Variants in KCNIP4 observed in about 807,000 individuals in gnomAD.
The protein encoded by KCNIP4 is Kv channel-interacting protein 4.
KCNIP4 carries 12 observed loss-of-function variants against 34.0 expected under a neutral mutation model. The ratio of observed to expected loss-of-function variants is 0.35; its 90% CI spans 0.23 to 0.57. KCNIP4 has a LOEUF of 0.57. Ranked by LOEUF, KCNIP4 falls within the 20% of genes least tolerant of loss-of-function variation. The probability of loss-of-function intolerance (pLI) is 0.83; values close to 1 mark genes in which losing one functional copy is unlikely to be tolerated. For synonymous variants in KCNIP4, 124 were observed against 102.2 expected (o/e 1.21, Z -1.29); for missense variants, 238 against 311.7 (o/e 0.76, Z 1.78).
intron 1 of KCNIP4, among the ~76,000 whole-genome samples, chr4:21,029,799 G>T (rs1740850099): frequency 6.6e-6 from 1 of 152,168 alleles, no homozygotes; most frequent in Non-Finnish European, 1.5e-5. Context: ...ACCAACTTGA[G>T]AGCCTTTAAC....
Position 20,798,848 on chromosome 4 carries a change from A to G in KCNIP4, c.289-39958T>C, listed in dbSNP as rs578113619. Among the ~76,000 whole-genome samples the G allele has an allele frequency of 3.9e-5, 6 of 152,222 alleles. No homozygotes were observed. In the East Asian group the frequency reaches 1.2e-3, roughly 29 times the overall value. ...ACAGTCCTCACAAGCTCTAAACTCA[A>G]CTGAGAGAGCTCCCTAGAGTCACAT... is the stretch of plus-strand genomic sequence containing the variant. On this transcript the variant is annotated intron_variant, in intron 3 of 8. Transcript: ENST00000382152.
chr4:21,257,429 G>C (rs1761132460), intron 1 of KCNIP4, among the ~76,000 whole-genome samples: 1 of 152,010 alleles, frequency 6.6e-6, no homozygotes, highest in Non-Finnish European at 1.5e-5. Context: ...AATGTTTTGG[G>C]CTCCACCTCA....
rs34076146 is a variant in KCNIP4, at chr4:21,779,011, TGA to T, written c.61+169558_61+169559del. Among the ~76,000 whole-genome samples the T allele has an allele frequency of 7.4e-3, 1,094 of 147,040 alleles. 8 individuals carry two copies. Among genetic ancestry groups the T allele is most frequent in the African/African-American group, 0.022 (896 of 40,362 alleles). On this transcript the variant is annotated intron_variant, in intron 1 of 8. Coordinates refer to ENST00000382152, the MANE Select transcript of KCNIP4 (RefSeq NM_025221.6). ...GCATGAGTGTGCACGTGTGTGGGCATGAGAGAGAGAGAGAGAGAGAGAGAAGA... is the reference window on the plus strand; with the variant it reads ...GCATGAGTGTGCACGTGTGTGGGCATGAGAGAGAGAGAGAGAGAGAGAAGA...
chr4:20,895,287 C>G (rs920434235), intron 1 of KCNIP4, among the ~76,000 whole-genome samples: 1 of 152,162 alleles, frequency 6.6e-6, no homozygotes, highest in Non-Finnish European at 1.5e-5. Context: ...AGCATGGTGT[C>G]TTTCATTCCT....
At chr4:21,073,065 G>C (rs1023625107) in intron 1 of KCNIP4, among the ~76,000 whole-genome samples, 8 of 152,164 alleles carry the variant, frequency 5.3e-5, no homozygotes, top group Non-Finnish European at 1.0e-4. Context: ...AGTATAGTTT[G>C]AAGTCAGGTA....
intron 1 of KCNIP4, among the ~76,000 whole-genome samples, chr4:21,684,662 AC>A (rs1750673962): frequency 6.6e-6 from 1 of 152,192 alleles, no homozygotes; most frequent in African/African-American, 2.4e-5. Context: ...GGTGAAAAAA[AC>A]AAACTTTTTA....
At chr4:21,038,992 G>T (rs969450800) in intron 1 of KCNIP4, among the ~76,000 whole-genome samples, 43 of 152,242 alleles carry the variant, frequency 2.8e-4, no homozygotes, top group African/African-American at 1.0e-3. Flanking sequence ...TTCACTGCAG[G>T]CAGTTTTGTC....
chr4:21,831,984 A>C (rs574757020), intron 1 of KCNIP4, among the ~76,000 whole-genome samples: 69 of 152,150 alleles, frequency 4.5e-4, no homozygotes, highest in Non-Finnish European at 8.7e-4. Flanking sequence ...AGATGCAAAA[A>C]TCCTTAACAA....
chr4:20,765,546 T>C (rs1381884219), intron 3 of KCNIP4, among the ~76,000 whole-genome samples: 1 of 152,196 alleles, frequency 6.6e-6, no homozygotes, highest in Non-Finnish European at 1.5e-5. Context: ...CACCTTCCTG[T>C]GTGCCACATA....
chr4:21,312,364 T>C (rs1208364162), intron 1 of KCNIP4, among the ~76,000 whole-genome samples: 1 of 152,200 alleles, frequency 6.6e-6, no homozygotes, highest in African/African-American at 2.4e-5. Flanking sequence ...TCTCATTTCA[T>C]AGGTCTTAGG....
chr4:21,126,382 G>A (rs1326083484), intron 1 of KCNIP4, among the ~76,000 whole-genome samples: 1 of 152,068 alleles, frequency 6.6e-6, no homozygotes, highest in Non-Finnish European at 1.5e-5. Flanking sequence ...TCCAATCCTG[G>A]TGATTTCTTT....
chr4:21,903,213 T>C (rs1017085913), intron 1 of KCNIP4, among the ~76,000 whole-genome samples: 2 of 152,212 alleles, frequency 1.3e-5, no homozygotes, highest in Admixed American at 6.5e-5. Flanking sequence ...TATTTCTTTA[T>C]TCCTTCTGAA....
intron 1 of KCNIP4, among the ~76,000 whole-genome samples, chr4:21,253,854 G>A (rs967007505): frequency 6.6e-6 from 1 of 152,196 alleles, no homozygotes; most frequent in Non-Finnish European, 1.5e-5. Context: ...TATGTGGGAT[G>A]TTATTCAGAT....
At chr4:21,020,368 T>C (rs557221845) in intron 1 of KCNIP4, among the ~76,000 whole-genome samples, 10 of 152,240 alleles carry the variant, frequency 6.6e-5, no homozygotes, top group Non-Finnish European at 1.2e-4. Flanking sequence ...ATTCCACCAG[T>C]AAATATTAAT....
At chr4:21,097,238 C>A (rs1747541597) in intron 1 of KCNIP4, among the ~76,000 whole-genome samples, 1 of 151,998 alleles carries the variant, frequency 6.6e-6, no homozygotes, top group South Asian at 2.1e-4. Context: ...TGTGTCATAG[C>A]CATACAACAG....
In KCNIP4 at chr4:21,865,305, C is replaced by T. The variant is rs577711670; in HGVS notation, c.61+83266G>A. 2.6e-4 allele frequency among the ~76,000 whole-genome samples: 33 copies of T among 127,146 alleles called. No homozygotes were observed. The South Asian group carries it at 8.0e-3, about 31-fold the overall frequency. The allele number at this position is 127,146 out of a possible 152,430, so 83.4% of individuals were successfully genotyped here. A position where few individuals can be genotyped will look rare whatever the true frequency, so the allele number is the denominator to read the frequency against. The stretch of plus-strand genomic sequence containing the variant: ...CTTCCATCATCAATAAAAACAAACA[C>T]AAACAAACAAAAAAAAAAAGAAGAA... On this transcript the variant is annotated intron_variant, in intron 1 of 8. Coordinates refer to ENST00000382152, the MANE Select transcript of KCNIP4 (RefSeq NM_025221.6).
At chr4:21,336,897 T>C (rs1716231701) in intron 1 of KCNIP4, among the ~76,000 whole-genome samples, 1 of 151,960 alleles carries the variant, frequency 6.6e-6, no homozygotes. Context: ...CACACCTAAA[T>C]ATACGTGTAG....
intron 1 of KCNIP4, among the ~76,000 whole-genome samples, chr4:21,001,336 T>A (rs566303584): frequency 1.1e-4 from 16 of 152,340 alleles, no homozygotes; most frequent in Non-Finnish European, 4.4e-5. Context: ...ATGTAATAAG[T>A]AACTAAAGTT....
At chr4:21,200,923 G>A (rs1301743620) in intron 1 of KCNIP4, among the ~76,000 whole-genome samples, 3 of 151,962 alleles carry the variant, frequency 2.0e-5, no homozygotes, top group Non-Finnish European at 4.4e-5. Flanking sequence ...TCTGATATAG[G>A]CAAGAGATGC....
Sources: allele counts gnomAD v4.1 joint callset (sites outside exome capture counted in the v4.1 genomes callset), GRCh38; gene constraint gnomAD v4.1.1; transcripts MANE v1.5; gene names NCBI Gene and HGNC (gene_info 2026-07-23, HGNC 2026-07-21).